Variants in KISS1 observed in about 807,000 individuals in gnomAD.
KISS1 encodes metastasis-suppressor KiSS-1.
For synonymous variants in KISS1, 97 were observed against 88.7 expected (o/e 1.09, Z -0.52); for missense variants, 182 against 182.7 (o/e 1.00, Z 0.02).
chr1:204,194,609 TCAAAATA>T (rs1399343031), intron 1 of KISS1, among the ~76,000 whole-genome samples: 2 of 152,132 alleles, frequency 1.3e-5, no homozygotes, highest in Non-Finnish European at 2.9e-5. Context: ...GCAGATCATT[TCAAAATA>T]ACACTGTAAA....
intron 1 of KISS1, among the ~76,000 whole-genome samples, chr1:204,196,137 A>C (rs368193342): frequency 3.3e-5 from 5 of 152,214 alleles, no homozygotes; most frequent in Admixed American, 6.5e-5. Context: ...AGCAAGAGAG[A>C]GCCCTCGGGA....
rs748815895 is a variant in KISS1, at chr1:204,190,675, C to CG, written c.225dup (p.Glu76ArgfsTer91). 8.2e-6 allele frequency: 13 copies of CG among 1,590,006 alleles called. No individual in the cohort carries two copies. The highest frequency in any genetic ancestry group is 1.8e-5 in the Admixed American group (1 of 56,222). ...GGCTGCTGGGGGCTCCCGGAGCTCT[C>CG]GGGGGGCGGGGACAGCGAGGTCCCC... On this transcript the variant is annotated frameshift_variant, in exon 3 of 3. Coordinates refer to ENST00000367194, the MANE Select transcript of KISS1 (RefSeq NM_002256.4). LOFTEE classifies it low-confidence loss of function (END_TRUNC).
At position 204,192,213 on chromosome 1, in the gene KISS1, A is replaced by G. The variant is rs1658756542; in HGVS notation, c.103+561T>C. On this transcript the variant is annotated intron_variant, in intron 2 of 2. Coordinates refer to ENST00000367194, the MANE Select transcript of KISS1 (RefSeq NM_002256.4). The surrounding 1 kb of genome is among the most constrained non-coding windows in gnomAD (Gnocchi z 4.2). Reference sequence around the variant, plus strand: ...TGTTCTAGCTTGTGCCACTCACCAGACACACTCCTGGGGAGCTCTGACACC... The same window carrying G: ...TGTTCTAGCTTGTGCCACTCACCAGGCACACTCCTGGGGAGCTCTGACACC... Among the ~76,000 whole-genome samples the G allele has an allele frequency of 6.6e-6, 1 of 152,044 alleles. No homozygotes were observed. The highest frequency in any genetic ancestry group is 2.1e-4 in the South Asian group (1 of 4,814).
intron 1 of KISS1, among the ~76,000 whole-genome samples, chr1:204,193,584 C>A (rs1038056176): frequency 2.0e-5 from 3 of 152,196 alleles, no homozygotes; most frequent in Non-Finnish European, 4.4e-5. Flanking sequence ...TAGCCCTTCA[C>A]AGCCTTGAAG....
At position 204,190,407 on chromosome 1, in the gene KISS1, C is replaced by CGGG; in HGVS notation, c.*76_*77insCCC. On this transcript the variant is annotated 3_prime_UTR_variant, in exon 3 of 3. Coordinates refer to ENST00000367194, the MANE Select transcript of KISS1 (RefSeq NM_002256.4). Reference sequence around the variant, plus strand: ...TCCAGCGCCCCCTCCCTTAGCCCTACGTCCCCGCCCCCCGCCCCCGCCCCG... The same window carrying CGGG: ...TCCAGCGCCCCCTCCCTTAGCCCTACGGGGTCCCCGCCCCCCGCCCCCGCCCCG... The CGGG allele has an allele frequency of 1.3e-6, 1 of 779,256 alleles. No individual in the cohort carries two copies. The highest frequency in any genetic ancestry group is 2.0e-6 in the Non-Finnish European group (1 of 493,568). 48.3% of individuals were successfully genotyped at this position (779,256 alleles called of 1,614,324 possible).
intron 1 of KISS1, among the ~76,000 whole-genome samples, chr1:204,193,750 G>C (rs141787381): frequency 1.3e-5 from 2 of 152,064 alleles, no homozygotes; most frequent in African/African-American, 4.8e-5. Context: ...GATGGGAGCC[G>C]TGTGCCCTGA....
At chr1:204,193,042 G>C in intron 1 of KISS1, 128 bp from the exon 2 acceptor site, 2 of 679,082 alleles carry the variant, frequency 2.9e-6, no homozygotes, top group Middle Eastern at 3.8e-4. Flanking sequence ...GGAGGCTCCT[G>C]GTAGAGGGAT....
At position 204,192,891 on chromosome 1, in the gene KISS1, G is replaced by T; in HGVS notation, c.-15C>A. The T allele has an allele frequency of 6.5e-7, 1 of 1,543,922 alleles. No individual in the cohort carries two copies. The highest frequency in any genetic ancestry group is 8.8e-7 in the Non-Finnish European group (1 of 1,130,622). On this transcript the variant is annotated 5_prime_UTR_variant, in exon 2 of 3. Transcript: ENST00000367194. The surrounding 1 kb of genome is among the most constrained non-coding windows in gnomAD (Gnocchi z 4.2). ...AGTGAGTTCATCTTGGTGAGAAGAG[G>T]CAGGTCCTAGAAGTGCCTTGAGGCT...
rs1658757352 is a variant in KISS1, at chr1:204,192,290, G to A, written c.103+484C>T. Among the ~76,000 whole-genome samples the A allele has an allele frequency of 6.6e-6, 1 of 152,082 alleles. No homozygotes were observed. The highest frequency in any genetic ancestry group is 6.5e-5 in the Admixed American group (1 of 15,270). On this transcript the variant is annotated intron_variant, in intron 2 of 2. Transcript: ENST00000367194. The surrounding 1 kb of genome is among the most constrained non-coding windows in gnomAD (Gnocchi z 4.2). ...ACTCTGGGGAAATCTCTTTACCTCT[G>A]TGGGTCTCAAATTTTCCAGCTTATC...
chr1:204,195,232 T>C (rs111970626), intron 1 of KISS1, among the ~76,000 whole-genome samples: 12 of 740 alleles, frequency 0.016, no homozygotes, highest in South Asian at 0.056. Flanking sequence ...CATACACATA[T>C]ACACGCATAC....
chr1:204,193,994 G>C (rs1317834121), intron 1 of KISS1, among the ~76,000 whole-genome samples: 2 of 152,320 alleles, frequency 1.3e-5, no homozygotes, highest in Admixed American at 1.3e-4. Context: ...TCTCCCTGGG[G>C]AAGGGGGACT....
Position 204,192,998 on chromosome 1 carries a change from C to G in KISS1, c.-38-84G>C. 1.4e-6 allele frequency: 1 copy of G among 736,134 alleles called. No homozygotes were observed. Among genetic ancestry groups the G allele is most frequent in the South Asian group, 1.5e-5 (1 of 67,348 alleles). 45.6% of individuals were successfully genotyped at this position (736,134 alleles called of 1,614,324 possible). A position where few individuals can be genotyped will look rare whatever the true frequency, so the allele number is the denominator to read the frequency against. On this transcript the variant is annotated intron_variant, in intron 1 of 2. Coordinates refer to ENST00000367194, the MANE Select transcript of KISS1 (RefSeq NM_002256.4). The surrounding 1 kb of genome is among the most constrained non-coding windows in gnomAD (Gnocchi z 4.2). The stretch of plus-strand genomic sequence containing the variant: ...AGGGCAGAGCCCAGTGCAAAAGGGA[C>G]AGTCCTCCAAGAGAGGGGCAAGTTC...
At position 204,196,374 on chromosome 1, in the gene KISS1, A is replaced by G. The variant is rs1431120220; in HGVS notation, c.-39+2T>C. 6.6e-6 allele frequency: 1 copy of G among 152,294 alleles called. No individual in the cohort carries two copies. The highest frequency in any genetic ancestry group is 1.5e-5 in the Non-Finnish European group (1 of 68,166). 9.4% of individuals were successfully genotyped at this position (152,294 alleles called of 1,614,324 possible). ...CAGGGGTGGACACTGCAGTGTGCCT[A>G]CCTTGCCTCAGTCCTGGCCTGGGCA... On this transcript the variant is annotated splice_donor_variant, in intron 1 of 2. Coordinates refer to ENST00000367194, the MANE Select transcript of KISS1 (RefSeq NM_002256.4). LOFTEE classifies it low-confidence loss of function (5UTR_SPLICE).
At chr1:204,193,822 C>T (rs1658791433) in intron 1 of KISS1, among the ~76,000 whole-genome samples, 1 of 152,140 alleles carries the variant, frequency 6.6e-6, no homozygotes, top group Non-Finnish European at 1.5e-5. Flanking sequence ...ACATACCCCA[C>T]CCTACCTCTT....
At chr1:204,195,013 G>T (rs1171102775) in intron 1 of KISS1, among the ~76,000 whole-genome samples, 1 of 151,904 alleles carries the variant, frequency 6.6e-6, no homozygotes, top group African/African-American at 2.4e-5. Flanking sequence ...GAGGGCAGTG[G>T]GCTTGTGTGG....
chr1:204,190,942 C>A, intron 2 of KISS1, 145 bp from the exon 3 acceptor site: 2 of 667,594 alleles, frequency 3.0e-6, no homozygotes, highest in Middle Eastern at 5.3e-4. Flanking sequence ...AGCACGATCA[C>A]CTTAGCTGGG....
intron 1 of KISS1, among the ~76,000 whole-genome samples, chr1:204,196,040 C>T (rs1658852336): frequency 6.6e-6 from 1 of 152,138 alleles, no homozygotes. Flanking sequence ...TCTCAAGAGC[C>T]CCGAGCGGTT....
intron 2 of KISS1, among the ~76,000 whole-genome samples, chr1:204,191,737 C>T (rs1042535993): frequency 2.6e-5 from 4 of 152,208 alleles, no homozygotes; most frequent in Non-Finnish European, 4.4e-5. Context: ...TAATGGCAGT[C>T]GCCTGCGAGG....
In KISS1 at chr1:204,192,846, G is replaced by T; in HGVS notation, c.31C>A (p.Leu11Ile). The change falls in exon 2 of 3, where the codon CTT (leucine) becomes ATT (isoleucine). Residue 11 changes from leucine (L) to isoleucine (I), a missense_variant. Transcript: ENST00000367194. The surrounding 1 kb of genome is among the most constrained non-coding windows in gnomAD (Gnocchi z 4.2). MNSLVSWQLLLFLCATHFGEP... is the reference protein window; with the variant it reads MNSLVSWQLLIFLCATHFGEP... ...CCAAAGTGGGTGGCACAGAGGAAAA[G>T]CAGTAGCTGCCAAGAAACCAGTGAG... 1 of 1,596,188 alleles carries T rather than the reference G, an allele frequency of 6.3e-7. No individual in the cohort carries two copies. The highest frequency in any genetic ancestry group is 8.6e-7 in the Non-Finnish European group (1 of 1,169,468).
Sources: allele counts gnomAD v4.1 joint callset (sites outside exome capture counted in the v4.1 genomes callset), GRCh38; gene constraint gnomAD v4.1.1; non-coding constraint Gnocchi (gnomAD v3.1); transcripts MANE v1.5; gene names NCBI Gene and HGNC (gene_info 2026-07-23, HGNC 2026-07-21).